The following ZSCAN4 variants were observed in gnomAD, a reference collection of about 807,000 sequenced individuals.
The protein encoded by ZSCAN4 is zinc finger and SCAN domain-containing protein 4.
ZSCAN4 carries 18 observed loss-of-function variants against 18.3 expected under a neutral mutation model. The observed-to-expected ratio is 0.98, with a 90% confidence interval of 0.68 to 1.46. The LOEUF is 1.46. Among genes scored for constraint, ZSCAN4 ranks in the 40% most tolerant of loss-of-function variants. ZSCAN4 has a pLI of 0.00. For missense variants in ZSCAN4, 498 were observed against 511.4 expected (o/e 0.97, Z 0.25); for synonymous variants, 193 against 180.3 (o/e 1.07, Z -0.57).
At chr19:57,678,718 T>A in exon 5 of ZSCAN4, 1 of 1,614,160 alleles carries the variant, frequency 6.2e-7, no homozygotes, top group Non-Finnish European at 8.5e-7. Flanking sequence ...ACATGCAGCA[T>A]GTGTAAAAAG....
chr19:57,663,155 G>A, the ZSCAN4 span, among the ~76,000 whole-genome samples: 1 of 151,132 alleles, frequency 6.6e-6, no homozygotes, highest in Non-Finnish European at 1.5e-5. Context: ...CGCCCGCCTC[G>A]GCCTCCCACA....
exon 3 of ZSCAN4, chr19:57,676,403 A>G: frequency 3.1e-6 from 5 of 1,614,236 alleles, no homozygotes; most frequent in Non-Finnish European, 4.2e-6. Context: ...TTATTTCTCT[A>G]TTAGTCCTGG....
upstream of ZSCAN4, chr19:57,664,658 G>A: frequency 4.7e-6 from 1 of 212,724 alleles, no homozygotes; most frequent in South Asian, 8.6e-5. Flanking sequence ...GTCTCCTGCG[G>A]AGAATTCCAA....
upstream of ZSCAN4, among the ~76,000 whole-genome samples, chr19:57,665,915 T>C (rs1456991962): frequency 6.6e-6 from 1 of 152,052 alleles, no homozygotes; most frequent in Admixed American, 6.6e-5. Flanking sequence ...TCCGTCTCAA[T>C]AATAATACTG....
chr19:57,672,095 C>T (rs1350897603), intron 2 of ZSCAN4, among the ~76,000 whole-genome samples: 1 of 152,106 alleles, frequency 6.6e-6, no homozygotes, highest in Non-Finnish European at 1.5e-5. Flanking sequence ...CTCTAGTTGT[C>T]CAGATAATCT....
chr19:57,652,138 A>G, the ZSCAN4 span, among the ~76,000 whole-genome samples: 1 of 152,044 alleles, frequency 6.6e-6, no homozygotes, highest in Non-Finnish European at 1.5e-5. Flanking sequence ...CTGGCCACCA[A>G]TATGGGGCAG....
upstream of ZSCAN4, among the ~76,000 whole-genome samples, chr19:57,667,655 C>T (rs146888688): frequency 6.6e-6 from 1 of 152,298 alleles, no homozygotes; most frequent in Non-Finnish European, 1.5e-5. Context: ...CCCAGAGTTA[C>T]ACACCAGCAT....
the ZSCAN4 span, among the ~76,000 whole-genome samples, chr19:57,663,519 C>CAAAAAAAAAAAAAA: frequency 1.1e-3 from 21 of 18,310 alleles, 2 homozygotes; most frequent in African/African-American, 4.1e-3. Flanking sequence ...AACCATGTCT[C>CAAAAAAAAAAAAAA]TAAAAAAAAA....
the ZSCAN4 span, among the ~76,000 whole-genome samples, chr19:57,654,183 C>A: frequency 6.6e-6 from 1 of 152,172 alleles, no homozygotes; most frequent in Non-Finnish European, 1.5e-5. Flanking sequence ...GTAACCTAGT[C>A]AACACTTGCT....
the ZSCAN4 span, among the ~76,000 whole-genome samples, chr19:57,657,043 C>T: frequency 6.6e-6 from 1 of 151,916 alleles, no homozygotes. Context: ...GACAGGAGTT[C>T]AACATCAGCC....
exon 3 of ZSCAN4, chr19:57,676,446 A>G: frequency 6.2e-7 from 1 of 1,614,236 alleles, no homozygotes; most frequent in Non-Finnish European, 8.5e-7. Flanking sequence ...CTGCAATGAC[A>G]AAGCCAGTGT....
chr19:57,674,264 C>G (rs1984111778), intron 2 of ZSCAN4, among the ~76,000 whole-genome samples: 1 of 152,078 alleles, frequency 6.6e-6, no homozygotes, highest in East Asian at 1.9e-4. Context: ...TTCTAGTGTA[C>G]CTATTACTTA....
At chr19:57,656,225 CATT>C in the ZSCAN4 span, among the ~76,000 whole-genome samples, 2 of 152,168 alleles carry the variant, frequency 1.3e-5, no homozygotes, top group African/African-American at 4.8e-5. Flanking sequence ...CCAAGGGAAA[CATT>C]ATGGCAGACT....
At chr19:57,672,738 G>C (rs1568450716) in intron 2 of ZSCAN4, among the ~76,000 whole-genome samples, 1 of 151,834 alleles carries the variant, frequency 6.6e-6, no homozygotes, top group Non-Finnish European at 1.5e-5. Context: ...AAGTAGCTGG[G>C]ATTACCGGTG....
chr19:57,653,390 GA>G, the ZSCAN4 span, among the ~76,000 whole-genome samples: 927 of 76,456 alleles, frequency 0.012, 5 homozygotes, highest in Middle Eastern at 0.031. Flanking sequence ...CCATCTCAAA[GA>G]AAAAAAAAAA....
At chr19:57,666,340 T>C (rs934763990), upstream of ZSCAN4, among the ~76,000 whole-genome samples, 13 of 152,130 alleles carry the variant, frequency 8.5e-5, no homozygotes, top group African/African-American at 2.9e-4. Context: ...CTCCAGTTCT[T>C]TCCTTCTCTT....
the ZSCAN4 span, among the ~76,000 whole-genome samples, chr19:57,661,446 T>C: frequency 3.3e-5 from 5 of 152,296 alleles, no homozygotes; most frequent in African/African-American, 1.2e-4. Flanking sequence ...TGATTGTTAC[T>C]GGTAGAATCA....
the ZSCAN4 span, among the ~76,000 whole-genome samples, chr19:57,653,380 C>G: frequency 7.2e-6 from 1 of 139,628 alleles, no homozygotes; most frequent in Non-Finnish European, 1.5e-5. Context: ...GAGCGAGACT[C>G]CATCTCAAAG....
chr19:57,678,122 G>A lies in ZSCAN4; in HGVS notation c.562+43G>A, dbSNP rs927985973. 3.8e-6 allele frequency: 6 copies of A among 1,596,472 alleles called. No homozygotes were observed. The Admixed American group carries it at 8.5e-5, about 23-fold the overall frequency. On this transcript the variant is annotated intron_variant, in intron 4 of 4. Coordinates refer to ENST00000318203, the Ensembl canonical transcript of ZSCAN4. Reference sequence around the variant, plus strand: ...GCACAACTGAGGAGTGTTCTATGTGGACCCCTTCTTAAGTACAACTTCATT... The same window carrying A: ...GCACAACTGAGGAGTGTTCTATGTGAACCCCTTCTTAAGTACAACTTCATT...
Sources: gnomAD v4.1 joint callset for allele counts (sites outside exome capture counted in the v4.1 genomes callset) on GRCh38, gnomAD v4.1.1 for gene constraint, MANE v1.5 for transcripts, NCBI Gene and HGNC (gene_info 2026-07-23, HGNC 2026-07-21) for gene names.